WDR12: variants seen among roughly 807,000 people sequenced by gnomAD.
WDR12 encodes WD repeat domain 12.
A neutral mutation model predicts 64.3 loss-of-function variants in WDR12; 42 were observed. That is an observed-to-expected ratio of 0.65 (90% CI 0.51 to 0.84). WDR12 has a LOEUF of 0.84. Among genes scored for constraint, WDR12 ranks in the 40% least tolerant of loss-of-function variants. The pLI is 0.00. For missense variants in WDR12, 469 were observed against 494.6 expected (o/e 0.95, Z 0.49); for synonymous variants, 158 against 173.3 (o/e 0.91, Z 0.70).
chr2:202,887,318 G>C (rs1334778913), intron 8 of WDR12, among the ~76,000 whole-genome samples: 1 of 151,380 alleles, frequency 6.6e-6, no homozygotes, highest in East Asian at 2.0e-4. Context: ...CACTGCACTT[G>C]GCCCACAGTT....
chr2:202,883,567 G>A (rs1687991776), intron 11 of WDR12, 42 bp downstream of exon 11: 2 of 1,582,898 alleles, frequency 1.3e-6, no homozygotes, highest in Non-Finnish European at 1.7e-6. Context: ...TCTATAACAG[G>A]TAATTGATAT....
intron 8 of WDR12, among the ~76,000 whole-genome samples, chr2:202,890,603 A>G (rs979558240): frequency 1.3e-4 from 20 of 151,792 alleles, no homozygotes; most frequent in Non-Finnish European, 2.1e-4. Flanking sequence ...CCCCGTCTCT[A>G]CAAAAAAAAT....
intron 7 of WDR12, among the ~76,000 whole-genome samples, chr2:202,893,283 T>C (rs143005709): frequency 3.3e-5 from 5 of 152,272 alleles, no homozygotes; most frequent in South Asian, 2.1e-4. Flanking sequence ...GTAACATGCA[T>C]ATTATGTTAC....
chr2:202,883,553 C>A, intron 11 of WDR12, 56 bp downstream of exon 11: 1 of 1,547,332 alleles, frequency 6.5e-7, no homozygotes, highest in Non-Finnish European at 8.8e-7. Context: ...GTATTCATTT[C>A]CTTTCTATAA....
chr2:202,880,953 G>A lies in WDR12; in HGVS notation c.1195-16C>T. The A allele has an allele frequency of 6.3e-7, 1 of 1,579,314 alleles. No homozygotes were observed. The highest frequency in any genetic ancestry group is 1.4e-5 in the African/African-American group (1 of 73,756). On this transcript the variant is annotated splice_polypyrimidine_tract_variant and intron_variant, in intron 12 of 12. Coordinates refer to ENST00000261015, the MANE Select transcript of WDR12 (RefSeq NM_018256.4). ...TCAGAAGTAGCTGTGTAAAAGGAGA[G>A]AAAAAGACAAGAAAACATAAATAAA...
intron 8 of WDR12, among the ~76,000 whole-genome samples, chr2:202,891,067 A>G (rs1351879280): frequency 6.6e-6 from 1 of 152,122 alleles, no homozygotes; most frequent in East Asian, 1.9e-4. Flanking sequence ...AACTCAGGAA[A>G]TCTTTTCCTA....
At chr2:202,899,200 G>A (rs1188890484) in intron 4 of WDR12, among the ~76,000 whole-genome samples, 9 of 151,558 alleles carry the variant, frequency 5.9e-5, no homozygotes, top group African/African-American at 1.9e-4. Context: ...CCACCACCAC[G>A]CCCGGCTAAT....
intron 4 of WDR12, 50 bp from the exon 5 acceptor site, chr2:202,897,465 C>A: frequency 1.9e-6 from 2 of 1,038,972 alleles, no homozygotes; most frequent in Non-Finnish European, 2.8e-6. Context: ...TTTTCCAAAC[C>A]CTGAAATGTT....
intron 2 of WDR12, among the ~76,000 whole-genome samples, chr2:202,907,409 C>T (rs1048438133): frequency 1.3e-5 from 2 of 151,906 alleles, no homozygotes; most frequent in African/African-American, 4.8e-5. Context: ...ATTCTGGACA[C>T]AAAAAATAAA....
rs780877184 is a variant in WDR12 at position 202,880,893 on chromosome 2, T to C, written c.1239A>G (p.Arg413=). The C allele has an allele frequency of 6.2e-7, 1 of 1,610,438 alleles. No homozygotes were observed. The highest frequency in any genetic ancestry group is 8.5e-7 in the Non-Finnish European group (1 of 1,178,252). The part of the protein sequence containing the change: ...GGADNKLYSY[R]YSPTTSHVGA ...CAACATGGGAAGTGGTAGGTGAATA[T>C]CTGTAGGAATACAATTTATTGTCTG... The change falls in exon 13 of 13, where the codon AGA becomes AGG. Residue 413 remains arginine (R), a synonymous_variant. Transcript: ENST00000261015.
At chr2:202,898,201 A>T (rs1251902235) in intron 4 of WDR12, among the ~76,000 whole-genome samples, 1 of 151,802 alleles carries the variant, frequency 6.6e-6, no homozygotes, top group African/African-American at 2.4e-5. Context: ...CCCAGGCTGG[A>T]AGGCAGTGGC....
chr2:202,896,172 G>A lies in WDR12; in HGVS notation c.502C>T (p.Leu168Phe). The A allele has an allele frequency of 6.2e-7, 1 of 1,613,980 alleles. No homozygotes were observed. Among genetic ancestry groups the A allele is most frequent in the Non-Finnish European group, 8.5e-7 (1 of 1,179,976 alleles). ...CTCTCTACATTCCACTCCCATAAGA[G>A]AATAGTCTGATCCATAGAAGCACTC... ...LLSASMDQTI[L>F]LWEWNVERNK... The change falls in exon 6 of 13, where the codon CTC (leucine) becomes TTC (phenylalanine). Residue 168 changes from leucine to phenylalanine, a missense_variant. Physicochemically the swap from Leu to Phe is conservative, Grantham distance 22 (BLOSUM62 0). Coordinates refer to ENST00000261015, the MANE Select transcript of WDR12 (RefSeq NM_018256.4).
rs1687874242 is a variant in WDR12 at position 202,877,197 on chromosome 2, T to C, written c.*3663A>G. 1 of 151,906 alleles carries C rather than the reference T, an allele frequency of 6.6e-6. No homozygotes were observed. Among genetic ancestry groups the C allele is most frequent in the Non-Finnish European group, 1.5e-5 (1 of 67,994 alleles). The allele number at this position is 151,906 out of a possible 1,614,324, so 9.4% of individuals were successfully genotyped here. A position where few individuals can be genotyped will look rare whatever the true frequency, so the allele number is the denominator to read the frequency against. On this transcript the variant is annotated 3_prime_UTR_variant, in exon 13 of 13. Transcript: ENST00000261015. Reference sequence around the variant, plus strand: ...TTTGTTTGTTCTTTCTCCAATAATATACTAGGAAGCATTCTGATATATTAT... The same window carrying C: ...TTTGTTTGTTCTTTCTCCAATAATACACTAGGAAGCATTCTGATATATTAT...
rs1230081794 is a variant in WDR12, at chr2:202,874,838, T to C, written c.*6022A>G. 3 of 152,200 alleles carry C rather than the reference T, an allele frequency of 2.0e-5. No homozygotes were observed. Among genetic ancestry groups the C allele is most frequent in the African/African-American group, 7.2e-5 (3 of 41,440 alleles). The allele number at this position is 152,200 out of a possible 1,614,324, so 9.4% of individuals were successfully genotyped here. Reference sequence around the variant, plus strand: ...GCAAAGCTAGAAACAGTATTAGAATTAGACACAATTCTAGAATTAGAATTA... The same window carrying C: ...GCAAAGCTAGAAACAGTATTAGAATCAGACACAATTCTAGAATTAGAATTA... On this transcript the variant is annotated 3_prime_UTR_variant, in exon 13 of 13. Coordinates refer to ENST00000261015, the MANE Select transcript of WDR12 (RefSeq NM_018256.4).
At chr2:202,904,535 C>G (rs1426957193) in intron 2 of WDR12, among the ~76,000 whole-genome samples, 1 of 152,072 alleles carries the variant, frequency 6.6e-6, no homozygotes, top group East Asian at 1.9e-4. Flanking sequence ...AAAACAAATC[C>G]ACACATCTAC....
In WDR12 at chr2:202,874,434, A is replaced by G. The variant is rs917547506; in HGVS notation, c.*6426T>C. Among the ~76,000 whole-genome samples the G allele has an allele frequency of 1.3e-4, 20 of 152,230 alleles. No individual in the cohort carries two copies. The highest frequency in any genetic ancestry group is 4.8e-4 in the African/African-American group (20 of 41,464). Reference sequence around the variant, plus strand: ...GATGACTTGGAATGTAGGGCTCCACAAATGGGATCCAAACCTAGAGTCTTA... The same window carrying G: ...GATGACTTGGAATGTAGGGCTCCACGAATGGGATCCAAACCTAGAGTCTTA... On this transcript the variant is annotated 3_prime_UTR_variant, in exon 13 of 13. Coordinates refer to ENST00000261015, the MANE Select transcript of WDR12 (RefSeq NM_018256.4).
At chr2:202,906,126 A>G (rs1277930448) in intron 2 of WDR12, among the ~76,000 whole-genome samples, 1 of 152,182 alleles carries the variant, frequency 6.6e-6, no homozygotes, top group East Asian at 1.9e-4. Context: ...AAAATATCTA[A>G]TGTACCCCAT....
Position 202,911,586 on chromosome 2 carries a change from C to A in WDR12, c.-110G>T. ...AGAGGCAGCTCAAAATTAGACTGCA[C>A]AGGTAAGCGAGGAACTGCAGTCTAA... On this transcript the variant is annotated 5_prime_UTR_variant, in exon 1 of 13. Coordinates refer to ENST00000261015, the MANE Select transcript of WDR12 (RefSeq NM_018256.4). The A allele has an allele frequency of 9.9e-7, 1 of 1,014,602 alleles. No individual in the cohort carries two copies. The highest frequency in any genetic ancestry group is 1.6e-6 in the Non-Finnish European group (1 of 641,280). 62.8% of individuals were successfully genotyped at this position (1,014,602 alleles called of 1,614,324 possible). A position where few individuals can be genotyped will look rare whatever the true frequency, so the allele number is the denominator to read the frequency against.
At chr2:202,899,408 A>G in intron 4 of WDR12, 123 bp downstream of exon 4, 1 of 835,036 alleles carries the variant, frequency 1.2e-6, no homozygotes, top group Non-Finnish European at 1.8e-6. Context: ...ACTGATACAG[A>G]GATCACAAAA....
Sources: allele counts gnomAD v4.1 joint callset (sites outside exome capture counted in the v4.1 genomes callset), GRCh38; gene constraint gnomAD v4.1.1; transcripts MANE v1.5; gene names NCBI Gene and HGNC (gene_info 2026-07-23, HGNC 2026-07-21).